The following CHST8 variants were observed in gnomAD, a reference collection of about 807,000 sequenced individuals.
CHST8 encodes the protein GALNAC-4-ST1.
A neutral mutation model predicts 15.0 loss-of-function variants in CHST8; 10 were observed. The ratio of observed to expected loss-of-function variants is 0.67; its 90% CI spans 0.41 to 1.13. The LOEUF is 1.13. Ranked by LOEUF, CHST8 falls within the 50% of genes most tolerant of loss-of-function variation. The pLI is 0.00. For missense variants in CHST8, 634 were observed against 608.2 expected, an observed-to-expected ratio of 1.04 and a Z score of -0.45; for synonymous variants, 259 against 256.6, an observed-to-expected ratio of 1.01 and a Z score of -0.09.
chr19:33,730,395 C>G (rs1171828178), intron 3 of CHST8, among the ~76,000 whole-genome samples: 1 of 152,232 alleles, frequency 6.6e-6, no homozygotes, highest in Non-Finnish European at 1.5e-5. Context: ...TAGAAGCTGT[C>G]TCAGGCGACA....
chr19:33,727,889 C>T (rs997823422), intron 3 of CHST8, among the ~76,000 whole-genome samples: 2 of 152,246 alleles, frequency 1.3e-5, no homozygotes, highest in Non-Finnish European at 2.9e-5. Context: ...GACTGCTGGG[C>T]CCTTCACTCG....
At chr19:33,704,021 G>A (rs1158986554) in intron 3 of CHST8, among the ~76,000 whole-genome samples, 1 of 152,176 alleles carries the variant, frequency 6.6e-6, no homozygotes, top group African/African-American at 2.4e-5. Flanking sequence ...GAGGGAAGTC[G>A]GGGGCTGCCT....
At chr19:33,748,206 C>A (rs1974349572) in intron 3 of CHST8, among the ~76,000 whole-genome samples, 1 of 152,200 alleles carries the variant, frequency 6.6e-6, no homozygotes, top group Non-Finnish European at 1.5e-5. Flanking sequence ...ACTCGCCAGG[C>A]CCAGGCACTC....
chr19:33,681,041 C>T (rs190110187), intron 2 of CHST8, among the ~76,000 whole-genome samples: 4 of 152,296 alleles, frequency 2.6e-5, no homozygotes, highest in South Asian at 2.1e-4. Context: ...GACATTGATA[C>T]GGTCGAGATA....
intron 1 of CHST8, among the ~76,000 whole-genome samples, chr19:33,653,555 G>T (rs1972474875): frequency 6.6e-6 from 1 of 152,160 alleles, no homozygotes; most frequent in South Asian, 2.1e-4. Flanking sequence ...ATAGTTCCTT[G>T]ACCCTGTTCT....
At chr19:33,716,321 C>G (rs1292532391) in intron 3 of CHST8, among the ~76,000 whole-genome samples, 1 of 152,106 alleles carries the variant, frequency 6.6e-6, no homozygotes. Context: ...CTTGATGAGC[C>G]CTAGTTACCC....
Position 33,649,191 on chromosome 19 carries a change from A to G in CHST8, c.-163-18576A>G, listed in dbSNP as rs372191476. On this transcript the variant is annotated intron_variant, in intron 1 of 4. Coordinates refer to ENST00000650847, the MANE Select transcript of CHST8 (RefSeq NM_001127895.2). ...AGTGCTGGGATTACAGACAGGAGCC[A>G]CTGTGCCCGGCCTGTCTATCCTTCT... Among the ~76,000 whole-genome samples the G allele has an allele frequency of 3.7e-4, 57 of 152,220 alleles. 1 individual carries two copies. The East Asian group carries it at 0.01, about 28-fold the overall frequency.
At chr19:33,735,731 G>A (rs185921429) in intron 3 of CHST8, among the ~76,000 whole-genome samples, 71 of 152,360 alleles carry the variant, frequency 4.7e-4, no homozygotes, top group African/African-American at 1.7e-3. Context: ...AGACGCTGAG[G>A]CAGGAGAATC....
chr19:33,766,928 C>T (rs1298218180), intron 3 of CHST8, among the ~76,000 whole-genome samples: 1 of 152,238 alleles, frequency 6.6e-6, no homozygotes, highest in Non-Finnish European at 1.5e-5. Flanking sequence ...TCCCAAAAGA[C>T]CAAGAAGCAC....
chr19:33,687,060 G>A (rs945324257), intron 2 of CHST8, among the ~76,000 whole-genome samples: 3 of 152,236 alleles, frequency 2.0e-5, no homozygotes, highest in Admixed American at 6.5e-5. Context: ...GACTGCCTGG[G>A]GCTCCCCCGA....
intron 2 of CHST8, among the ~76,000 whole-genome samples, chr19:33,679,874 C>T (rs761277700): frequency 6.6e-6 from 1 of 152,204 alleles, no homozygotes; most frequent in Non-Finnish European, 1.5e-5. Flanking sequence ...GCCTCTAGTC[C>T]TCAACTCCAC....
chr19:33,746,516 A>C (rs761797006), intron 3 of CHST8, among the ~76,000 whole-genome samples: 1 of 152,272 alleles, frequency 6.6e-6, no homozygotes, highest in Non-Finnish European at 1.5e-5. Flanking sequence ...ATCGTCATGT[A>C]TATGAGTAGT....
chr19:33,748,095 G>A (rs1202184105), intron 3 of CHST8, among the ~76,000 whole-genome samples: 2 of 152,184 alleles, frequency 1.3e-5, no homozygotes, highest in African/African-American at 2.4e-5. Context: ...CAAGGACCCA[G>A]GGGAATGCCG....
At chr19:33,690,393 G>T (rs1400394062) in intron 3 of CHST8, among the ~76,000 whole-genome samples, 1 of 152,134 alleles carries the variant, frequency 6.6e-6, no homozygotes, top group African/African-American at 2.4e-5. Context: ...CACAGGAAGG[G>T]GTCTTACTCT....
At chr19:33,762,385 G>A (rs879279753) in intron 3 of CHST8, among the ~76,000 whole-genome samples, 8 of 152,228 alleles carry the variant, frequency 5.3e-5, no homozygotes, top group Non-Finnish European at 7.3e-5. Flanking sequence ...TCTGATGCTC[G>A]ACTCTCTGAC....
At chr19:33,637,531 C>T (rs1199717255) in intron 1 of CHST8, among the ~76,000 whole-genome samples, 1 of 151,332 alleles carries the variant, frequency 6.6e-6, no homozygotes, top group Non-Finnish European at 1.5e-5. Context: ...GCCTTCCCAG[C>T]AGCTGGGACT....
chr19:33,651,366 T>A (rs183320438), intron 1 of CHST8, among the ~76,000 whole-genome samples: 4 of 136,110 alleles, frequency 2.9e-5, no homozygotes, highest in African/African-American at 1.3e-4. Flanking sequence ...TGAGATCTTT[T>A]AAACTTAAAA....
chr19:33,637,895 G>C (rs1055111665), intron 1 of CHST8, among the ~76,000 whole-genome samples: 14 of 150,128 alleles, frequency 9.3e-5, no homozygotes, highest in East Asian at 2.0e-4. Context: ...CCAAAGTGTA[G>C]GATCTGAAGC....
chr19:33,640,643 A>T (rs1157808001), intron 1 of CHST8, among the ~76,000 whole-genome samples: 4 of 152,260 alleles, frequency 2.6e-5, no homozygotes. Flanking sequence ...TTATTACAAA[A>T]TTGAAATGGA....
Sources: gnomAD v4.1 joint callset for allele counts (sites outside exome capture counted in the v4.1 genomes callset) on GRCh38, gnomAD v4.1.1 for gene constraint, MANE v1.5 for transcripts, NCBI Gene and HGNC (gene_info 2026-07-23, HGNC 2026-07-21) for gene names.